Variants in AGBL1 observed in about 807,000 individuals in gnomAD.
AGBL1 encodes the protein AGBL carboxypeptidase 1, also known as cytosolic carboxypeptidase 4.
A neutral mutation model predicts 118.9 loss-of-function variants in AGBL1; 130 were observed. The observed-to-expected ratio is 1.09, with a 90% CI of 0.95 to 1.26. AGBL1 has a LOEUF of 1.26. Among genes scored for constraint, AGBL1 ranks in the 50% most tolerant of loss-of-function variants. The pLI is 0.00. For missense variants in AGBL1, 1,584 were observed against 1,298.1 expected, an observed-to-expected ratio of 1.22 and a Z score of -3.38; for synonymous variants, 555 against 478.9, an observed-to-expected ratio of 1.16 and a Z score of -2.08.
chr15:86,412,473 G>C (rs2081635385), intron 18 of AGBL1, among the ~76,000 whole-genome samples: 1 of 152,082 alleles, frequency 6.6e-6, no homozygotes, highest in African/African-American at 2.4e-5. Flanking sequence ...TGTATGTTCA[G>C]TGTTTAGTCC....
intron 5 of AGBL1, among the ~76,000 whole-genome samples, chr15:86,221,790 C>T (rs2078284680): frequency 6.6e-6 from 1 of 151,916 alleles, no homozygotes; most frequent in Admixed American, 6.6e-5. Context: ...ATCACATTCC[C>T]AGTAGGTACA....
At chr15:86,124,841 A>G (rs1365210644) in intron 1 of AGBL1, among the ~76,000 whole-genome samples, 1 of 152,224 alleles carries the variant, frequency 6.6e-6, no homozygotes, top group Non-Finnish European at 1.5e-5. Context: ...TTATGTATAC[A>G]GTCGCTCGCA....
intron 18 of AGBL1, among the ~76,000 whole-genome samples, chr15:86,482,059 T>G (rs1290661841): frequency 6.6e-6 from 1 of 152,168 alleles, no homozygotes; most frequent in Non-Finnish European, 1.5e-5. Context: ...CGTTCACAGC[T>G]TAGGAACTCC....
At chr15:86,988,135 G>A (rs2081302591) in intron 24 of AGBL1, 1 of 1,594,964 alleles carries the variant, frequency 6.3e-7, no homozygotes. Flanking sequence ...GGCGGGGATT[G>A]CTGGATGAAA....
chr15:86,306,681 C>T (rs2079846618), intron 17 of AGBL1, among the ~76,000 whole-genome samples: 1 of 151,970 alleles, frequency 6.6e-6, no homozygotes, highest in East Asian at 1.9e-4. Context: ...AGTATATATC[C>T]AGCAGTGGGC....
downstream of AGBL1, among the ~76,000 whole-genome samples, chr15:87,031,230 A>AT (rs2081779605): frequency 6.6e-6 from 1 of 151,842 alleles, no homozygotes; most frequent in African/African-American, 2.4e-5. Context: ...TTTTTCCTTA[A>AT]TTTTTTTAAA....
intron 22 of AGBL1, among the ~76,000 whole-genome samples, chr15:86,765,474 C>T (rs1406460851): frequency 6.6e-6 from 1 of 151,914 alleles, no homozygotes. Flanking sequence ...ACCCACTTTG[C>T]AGCTGGTGTT....
chr15:86,782,093 T>C (rs1236827651), intron 22 of AGBL1, among the ~76,000 whole-genome samples: 1 of 152,148 alleles, frequency 6.6e-6, no homozygotes, highest in Non-Finnish European at 1.5e-5. Context: ...ACGCTACTCA[T>C]TCAAATATCA....
intron 17 of AGBL1, among the ~76,000 whole-genome samples, chr15:86,375,702 G>A (rs755612584): frequency 6.6e-6 from 1 of 152,224 alleles, no homozygotes; most frequent in African/African-American, 2.4e-5. Context: ...AAGAAACACA[G>A]TCTCTTGTGT....
intron 23 of AGBL1, among the ~76,000 whole-genome samples, chr15:86,976,744 G>A (rs1031369469): frequency 2.6e-5 from 4 of 151,276 alleles, no homozygotes; most frequent in South Asian, 2.1e-4. Flanking sequence ...TTTTAAATTC[G>A]TATCTTTTTT....
intron 18 of AGBL1, among the ~76,000 whole-genome samples, chr15:86,505,933 A>C (rs2082971308): frequency 6.6e-6 from 1 of 151,914 alleles, no homozygotes. Context: ...CCCAGGATTT[A>C]TTGTTGTTTG....
At chr15:86,495,664 C>A (rs942363762) in intron 18 of AGBL1, among the ~76,000 whole-genome samples, 1 of 151,830 alleles carries the variant, frequency 6.6e-6, no homozygotes, top group Non-Finnish European at 1.5e-5. Context: ...GATTAAACAA[C>A]CTGGTCTCTA....
At chr15:86,472,859 C>T (rs371678295) in intron 18 of AGBL1, among the ~76,000 whole-genome samples, 1 of 152,132 alleles carries the variant, frequency 6.6e-6, no homozygotes, top group African/African-American at 2.4e-5. Context: ...GCAAAGGTTG[C>T]AGTGAGCCGA....
intron 1 of AGBL1, among the ~76,000 whole-genome samples, chr15:86,112,996 T>C (rs896285211): frequency 7.2e-5 from 11 of 152,166 alleles, no homozygotes; most frequent in African/African-American, 2.4e-4. Flanking sequence ...TTGTCTTTTG[T>C]TCTCACTCTT....
At chr15:86,263,881 A>C (rs1266931437) in intron 10 of AGBL1, among the ~76,000 whole-genome samples, 1 of 152,202 alleles carries the variant, frequency 6.6e-6, no homozygotes, top group Non-Finnish European at 1.5e-5. Context: ...CAGGGAAGGA[A>C]ATTTCAGTTT....
At chr15:86,735,296 G>T (rs1353861461) in intron 22 of AGBL1, among the ~76,000 whole-genome samples, 1 of 151,894 alleles carries the variant, frequency 6.6e-6, no homozygotes, top group East Asian at 1.9e-4. Flanking sequence ...GGTCAGGATG[G>T]TTTTGAACTC....
downstream of AGBL1, among the ~76,000 whole-genome samples, chr15:86,916,460 GA>G (rs776192108): frequency 1.3e-5 from 2 of 152,106 alleles, no homozygotes; most frequent in Non-Finnish European, 2.9e-5. Flanking sequence ...AGTACATCCA[GA>G]GTCCAGAAAA....
In AGBL1 at chr15:86,247,714, C is replaced by A; in HGVS notation, c.570C>A (p.Ser190Arg). The A allele has an allele frequency of 6.2e-7, 1 of 1,613,192 alleles. No individual in the cohort carries two copies. The highest frequency in any genetic ancestry group is 8.5e-7 in the Non-Finnish European group (1 of 1,179,570). ...CAGTGAACCGAGGCTACGTCACCAG[C>A]CTGCTCGGGCTGCACCAGGACTGGC... is the stretch of plus-strand genomic sequence containing the variant. The part of the protein sequence containing the change: ...RRAVNRGYVT[S>R]LLGLHQDWHS... The change falls in exon 7 of 23, where the codon AGC becomes AGA. Residue 190 changes from serine (S) to arginine (R), a missense_variant. Coordinates refer to ENST00000614907, the MANE Select transcript of AGBL1 (RefSeq NM_001386094.1).
chr15:86,763,629 G>C (rs1216341156), intron 22 of AGBL1, among the ~76,000 whole-genome samples: 1 of 151,900 alleles, frequency 6.6e-6, no homozygotes, highest in East Asian at 1.9e-4. Flanking sequence ...GCCTAACACA[G>C]CTCTCACCTT....
Sources: allele counts gnomAD v4.1 joint callset (sites outside exome capture counted in the v4.1 genomes callset), GRCh38; gene constraint gnomAD v4.1.1; transcripts MANE v1.5; gene names NCBI Gene and HGNC (gene_info 2026-07-23, HGNC 2026-07-21).